The following PACRG variants were observed in gnomAD, a reference collection of about 807,000 sequenced individuals.
PACRG encodes the protein parkin coregulated gene protein.
In PACRG, 29 loss-of-function variants were observed where a neutral mutation model predicts 29.7. The observed-to-expected ratio is 0.98, with a 90% CI of 0.73 to 1.33. The LOEUF (loss-of-function observed/expected upper bound fraction) is 1.33. PACRG is among the 40% of genes most tolerant of loss of function. The pLI, the probability that PACRG is intolerant of heterozygous loss-of-function variation, is 0.00. For missense variants in PACRG, 279 were observed against 316.2 expected (o/e 0.88, Z 0.89); for synonymous variants, 116 against 118.7 (o/e 0.98, Z 0.15).
chr6:162,734,859 C>T (rs1291261550), intron 1 of PACRG, among the ~76,000 whole-genome samples: 1 of 152,184 alleles, frequency 6.6e-6, no homozygotes, highest in Non-Finnish European at 1.5e-5. Flanking sequence ...GAAACATTGT[C>T]AACACCACAG....
At chr6:163,247,410 G>A (rs1296136527) in intron 4 of PACRG, among the ~76,000 whole-genome samples, 4 of 152,068 alleles carry the variant, frequency 2.6e-5, no homozygotes, top group Non-Finnish European at 5.9e-5. Context: ...AAAGCATTAA[G>A]AGATATTAAG....
At chr6:163,012,826 G>A (rs939466658) in intron 2 of PACRG, among the ~76,000 whole-genome samples, 1 of 152,282 alleles carries the variant, frequency 6.6e-6, no homozygotes. Flanking sequence ...CCTTTTGAAC[G>A]CACAACACAC....
At chr6:163,233,931 T>G (rs1450633475) in intron 4 of PACRG, among the ~76,000 whole-genome samples, 2 of 152,164 alleles carry the variant, frequency 1.3e-5, no homozygotes, top group Admixed American at 6.5e-5. Context: ...ATAGAAATAT[T>G]CCCTAAATAA....
intron 1 of PACRG, 38 bp downstream of exon 1, chr6:162,728,429 A>G (rs773982917): frequency 8.1e-6 from 13 of 1,597,622 alleles, no homozygotes; most frequent in Non-Finnish European, 1.0e-5. Flanking sequence ...CTCGCTCTGA[A>G]TCAGGGGACA....
At chr6:162,841,127 A>T (rs1789710380) in intron 2 of PACRG, among the ~76,000 whole-genome samples, 2 of 143,580 alleles carry the variant, frequency 1.4e-5, no homozygotes, top group Non-Finnish European at 3.0e-5. Context: ...GTTAGGGAGG[A>T]TTCCCTCTTT....
At chr6:163,083,132 T>C (rs901797631) in intron 3 of PACRG, among the ~76,000 whole-genome samples, 3 of 152,194 alleles carry the variant, frequency 2.0e-5, no homozygotes, top group Non-Finnish European at 4.4e-5. Flanking sequence ...ATATTAAAAA[T>C]TACCAATGAA....
At chr6:163,067,511 A>G (rs1312621004) in intron 3 of PACRG, among the ~76,000 whole-genome samples, 3 of 152,254 alleles carry the variant, frequency 2.0e-5, no homozygotes, top group Non-Finnish European at 2.9e-5. Flanking sequence ...AATAGATAGT[A>G]TGCATATGAG....
intron 2 of PACRG, among the ~76,000 whole-genome samples, chr6:162,987,603 C>T (rs1310266904): frequency 6.6e-6 from 1 of 152,174 alleles, no homozygotes; most frequent in East Asian, 1.9e-4. Flanking sequence ...GCCTTTGCTC[C>T]TCCTTCACCT....
At chr6:163,137,560 C>A (rs1057153445) in intron 4 of PACRG, among the ~76,000 whole-genome samples, 2 of 152,138 alleles carry the variant, frequency 1.3e-5, no homozygotes, top group Non-Finnish European at 2.9e-5. Context: ...TTCTCCATCC[C>A]CCCAAACCTC....
At chr6:162,811,451 T>C (rs1786859193) in intron 1 of PACRG, among the ~76,000 whole-genome samples, 1 of 152,128 alleles carries the variant, frequency 6.6e-6, no homozygotes, top group Admixed American at 6.5e-5. Context: ...AAGCAGATTC[T>C]TTGAGTAGCT....
At chr6:163,177,147 T>A in intron 4 of PACRG, among the ~76,000 whole-genome samples, 1 of 152,162 alleles carries the variant, frequency 6.6e-6, no homozygotes, top group South Asian at 2.1e-4. Flanking sequence ...AATAACAACA[T>A]AACAGACGCC....
chr6:162,863,574 G>A (rs181452493), intron 2 of PACRG, among the ~76,000 whole-genome samples: 10 of 152,236 alleles, frequency 6.6e-5, no homozygotes, highest in African/African-American at 2.4e-4. Context: ...GAGCAGTGGA[G>A]TAACCCAAGT....
At chr6:162,985,735 G>A (rs992880172) in intron 2 of PACRG, among the ~76,000 whole-genome samples, 1 of 152,000 alleles carries the variant, frequency 6.6e-6, no homozygotes, top group Non-Finnish European at 1.5e-5. Context: ...GAAATCAAGG[G>A]CATTCAAAAT....
rs544633309 is a variant in PACRG, at chr6:163,181,604, CAAAAAAAAA to C, written c.613+92215_613+92223del. On this transcript the variant is annotated intron_variant, in intron 4 of 4. Transcript: ENST00000366888. ...ATCAGAGATTATTTGCTTGAGGTGGCAAAAAAAAAAAAAAAAAAAAAAAAAAATACAGAC... is the reference window on the plus strand; with the variant it reads ...ATCAGAGATTATTTGCTTGAGGTGGCAAAAAAAAAAAAAAAAAATACAGAC... 6.9e-4 allele frequency among the ~76,000 whole-genome samples: 45 copies of C among 65,118 alleles called. No homozygotes were observed. The South Asian group carries it at 8.9e-3, about 13-fold the overall frequency. 42.7% of individuals were successfully genotyped at this position (65,118 alleles called of 152,430 possible).
At chr6:163,094,451 C>T (rs913052380) in intron 4 of PACRG, among the ~76,000 whole-genome samples, 5 of 152,200 alleles carry the variant, frequency 3.3e-5, no homozygotes, top group African/African-American at 4.8e-5. Flanking sequence ...TATCTAGTCT[C>T]TCTGAGCACT....
At chr6:163,129,821 A>G (rs1816663804) in intron 4 of PACRG, among the ~76,000 whole-genome samples, 1 of 152,208 alleles carries the variant, frequency 6.6e-6, no homozygotes, top group Non-Finnish European at 1.5e-5. Flanking sequence ...GGGTAACAGT[A>G]GTTTTGGCTG....
intron 2 of PACRG, among the ~76,000 whole-genome samples, chr6:163,003,929 A>G (rs59379868): frequency 0.062 from 9,491 of 152,228 alleles, 800 homozygotes; most frequent in African/African-American, 0.19. Context: ...AATTAGATCC[A>G]CTTGATCGCA....
rs1319283924 is a variant in PACRG at position 162,968,108 on chromosome 6, T to G, written c.292-94042T>G. Among the ~76,000 whole-genome samples the G allele has an allele frequency of 9.2e-5, 14 of 152,260 alleles. 1 individual carries two copies. Among genetic ancestry groups the G allele is most frequent in the Middle Eastern group, 6.8e-3 (2 of 294 alleles). On this transcript the variant is annotated intron_variant, in intron 2 of 4. Coordinates refer to ENST00000366888, the MANE Select transcript of PACRG (RefSeq NM_001080379.2). ...CAAGCTGTATTCCAGACTGCCATAA[T>G]TAATTAAGTAGGTGAATGAATCTCT...
At chr6:163,198,581 G>C (rs955734905) in intron 4 of PACRG, among the ~76,000 whole-genome samples, 1 of 152,190 alleles carries the variant, frequency 6.6e-6, no homozygotes, top group Non-Finnish European at 1.5e-5. Context: ...CACCGAGGTT[G>C]TCTGGCACCA....
Sources: allele counts gnomAD v4.1 joint callset (sites outside exome capture counted in the v4.1 genomes callset), GRCh38; gene constraint gnomAD v4.1.1; transcripts MANE v1.5; gene names NCBI Gene and HGNC (gene_info 2026-07-23, HGNC 2026-07-21).